The following ZNF804B variants were observed in gnomAD, a reference collection of about 807,000 sequenced individuals.
The protein encoded by ZNF804B is zinc finger 804B.
Under a neutral mutation model 101.4 loss-of-function variants are expected in ZNF804B, and 80 were observed. The ratio of observed to expected loss-of-function variants is 0.79; its 90% confidence interval spans 0.66 to 0.95. The LOEUF (loss-of-function observed/expected upper bound fraction) is 0.95. Ranked by LOEUF, ZNF804B falls within the 40% of genes least tolerant of loss-of-function variation. The pLI is 0.00. For missense variants in ZNF804B, 1,673 were observed against 1,561.9 expected, an observed-to-expected ratio of 1.07 and a Z score of -1.20; for synonymous variants, 622 against 558.8, an observed-to-expected ratio of 1.11 and a Z score of -1.59.
intron 1 of ZNF804B, among the ~76,000 whole-genome samples, chr7:89,093,089 A>G (rs892024534): frequency 2.0e-5 from 3 of 152,306 alleles, no homozygotes; most frequent in Non-Finnish European, 4.4e-5. Context: ...CTAATCCATT[A>G]CTGCATGGAT....
chr7:89,261,114 T>C (rs796468756), intron 2 of ZNF804B, among the ~76,000 whole-genome samples: 1 of 152,194 alleles, frequency 6.6e-6, no homozygotes, highest in South Asian at 2.1e-4. Flanking sequence ...GAGGTGACTA[T>C]AAAATTATTA....
At chr7:88,888,207 A>G (rs1038401068) in intron 1 of ZNF804B, among the ~76,000 whole-genome samples, 4 of 152,136 alleles carry the variant, frequency 2.6e-5, no homozygotes, top group Admixed American at 6.5e-5. Context: ...TCTGGCCAAC[A>G]TGGCGAAACC....
At chr7:88,783,467 G>T (rs895923869) in intron 1 of ZNF804B, among the ~76,000 whole-genome samples, 1 of 152,114 alleles carries the variant, frequency 6.6e-6, no homozygotes, top group African/African-American at 2.4e-5. Context: ...AGTATTAGAA[G>T]TTCCCTTAGT....
At chr7:88,987,688 A>T (rs755160347) in intron 1 of ZNF804B, among the ~76,000 whole-genome samples, 5 of 152,110 alleles carry the variant, frequency 3.3e-5, no homozygotes, top group Non-Finnish European at 7.4e-5. Flanking sequence ...CAAGCATACA[A>T]TGTGTAACAA....
intron 1 of ZNF804B, among the ~76,000 whole-genome samples, chr7:88,898,352 C>T (rs903484226): frequency 3.3e-5 from 5 of 152,038 alleles, no homozygotes; most frequent in Admixed American, 2.6e-4. Flanking sequence ...TCCCAACGTG[C>T]TGGGATTACA....
At chr7:89,106,546 C>A (rs144174543) in intron 1 of ZNF804B, among the ~76,000 whole-genome samples, 1 of 152,050 alleles carries the variant, frequency 6.6e-6, no homozygotes, top group African/African-American at 2.4e-5. Flanking sequence ...ATCTATTACA[C>A]TTCTGAATGA....
intron 1 of ZNF804B, among the ~76,000 whole-genome samples, chr7:89,072,253 T>A (rs1166155914): frequency 6.6e-6 from 1 of 152,190 alleles, no homozygotes; most frequent in Admixed American, 6.5e-5. Context: ...TCCAGTTTTC[T>A]CTGAGGCCTA....
At chr7:88,858,776 A>G (rs921654666) in intron 1 of ZNF804B, among the ~76,000 whole-genome samples, 1 of 152,194 alleles carries the variant, frequency 6.6e-6, no homozygotes, top group African/African-American at 2.4e-5. Context: ...GTTATTTTCC[A>G]GAATAATGAT....
chr7:88,796,641 C>A (rs144436661), intron 1 of ZNF804B, among the ~76,000 whole-genome samples: 1 of 152,104 alleles, frequency 6.6e-6, no homozygotes, highest in Non-Finnish European at 1.5e-5. Flanking sequence ...AGGCCTTGCC[C>A]GGCAATACCT....
intron 1 of ZNF804B, among the ~76,000 whole-genome samples, chr7:88,903,603 C>G (rs1355742509): frequency 1.3e-5 from 2 of 152,278 alleles, no homozygotes; most frequent in East Asian, 3.9e-4. Flanking sequence ...TTCTCCATAG[C>G]CTCGCCAGCA....
chr7:89,015,654 A>C (rs551469094), intron 1 of ZNF804B, among the ~76,000 whole-genome samples: 2 of 152,262 alleles, frequency 1.3e-5, no homozygotes, highest in South Asian at 4.1e-4. Context: ...TGTCCCTACA[A>C]AGGACATGAA....
chr7:88,956,989 TTC>T (rs1404651330), intron 1 of ZNF804B, among the ~76,000 whole-genome samples: 5 of 151,456 alleles, frequency 3.3e-5, no homozygotes, highest in African/African-American at 1.2e-4. Context: ...AAAATAGGAG[TTC>T]TGACAATCTG....
intron 1 of ZNF804B, among the ~76,000 whole-genome samples, chr7:88,961,716 CTA>C (rs910346065): frequency 1.3e-5 from 2 of 151,282 alleles, no homozygotes; most frequent in African/African-American, 4.8e-5. Flanking sequence ...TGTCAGGAAA[CTA>C]TGATCCTGGC....
chr7:89,145,515 A>G (rs1790778490), intron 1 of ZNF804B, among the ~76,000 whole-genome samples: 1 of 152,102 alleles, frequency 6.6e-6, no homozygotes, highest in South Asian at 2.1e-4. Context: ...AGGCAAGAGC[A>G]GACTCAAACA....
At chr7:88,908,329 G>GT (rs746746283) in intron 1 of ZNF804B, among the ~76,000 whole-genome samples, 19 of 150,224 alleles carry the variant, frequency 1.3e-4, no homozygotes, top group East Asian at 1.9e-4. Context: ...GTTTGATCCT[G>GT]TTTTTTTTAA....
At chr7:88,982,448 C>T (rs1195786788) in intron 1 of ZNF804B, among the ~76,000 whole-genome samples, 3 of 152,052 alleles carry the variant, frequency 2.0e-5, no homozygotes, top group African/African-American at 4.8e-5. Context: ...TTTCTCAATG[C>T]TTCTTGAAAC....
intron 1 of ZNF804B, among the ~76,000 whole-genome samples, chr7:88,918,487 C>T (rs17165356): frequency 0.17 from 25,728 of 151,860 alleles, 2,665 homozygotes; most frequent in East Asian, 0.38. Context: ...TTGTTTCCCT[C>T]GAATTTAACT....
At chr7:89,278,099 A>G (rs1352692246) in intron 2 of ZNF804B, among the ~76,000 whole-genome samples, 4 of 152,216 alleles carry the variant, frequency 2.6e-5, no homozygotes, top group African/African-American at 9.7e-5. Context: ...TCTGATGGCC[A>G]GTGATGGTGA....
intron 1 of ZNF804B, among the ~76,000 whole-genome samples, chr7:88,886,020 G>A (rs2115918241): frequency 6.6e-6 from 1 of 152,168 alleles, no homozygotes; most frequent in East Asian, 1.9e-4. Flanking sequence ...TCAGGAATTT[G>A]AGGCATTTTG....
Sources: allele counts gnomAD v4.1 joint callset (sites outside exome capture counted in the v4.1 genomes callset), GRCh38; gene constraint gnomAD v4.1.1; transcripts MANE v1.5; gene names NCBI Gene and HGNC (gene_info 2026-07-23, HGNC 2026-07-21).